Variants in FNDC3B observed in about 807,000 individuals in gnomAD.
FNDC3B encodes fibronectin type III domain containing 3B.
Under a neutral mutation model 151.5 loss-of-function variants are expected in FNDC3B, and 12 were observed. That is an observed-to-expected ratio of 0.08 (90% CI 0.05 to 0.13). FNDC3B has a LOEUF of 0.13. FNDC3B is among the 10% of genes least tolerant of loss of function. The probability of loss-of-function intolerance (pLI) is 1.00; values close to 1 mark genes in which losing one functional copy is unlikely to be tolerated. For synonymous variants in FNDC3B, 528 were observed against 549.0 expected (o/e 0.96, Z 0.54); for missense variants, 1,214 against 1,505.3 (o/e 0.81, Z 3.20).
chr3:172,314,612 G>C (rs1477023043), intron 11 of FNDC3B, among the ~76,000 whole-genome samples: 1 of 152,200 alleles, frequency 6.6e-6, no homozygotes, highest in Non-Finnish European at 1.5e-5. Context: ...AATAAAATGA[G>C]TAGAGTAAAA....
chr3:172,108,940 G>A (rs1223796310), intron 1 of FNDC3B, among the ~76,000 whole-genome samples: 2 of 152,128 alleles, frequency 1.3e-5, no homozygotes, highest in African/African-American at 4.8e-5. Flanking sequence ...AAGTAGTTGG[G>A]CAGTTCCTTG....
intron 23 of FNDC3B, among the ~76,000 whole-genome samples, chr3:172,376,409 A>C (rs989175636): frequency 3.3e-5 from 5 of 152,224 alleles, no homozygotes; most frequent in Non-Finnish European, 7.3e-5. Context: ...TACTGTTCCT[A>C]GTAGTCCTCT....
At chr3:172,068,677 G>A (rs74728110) in intron 1 of FNDC3B, among the ~76,000 whole-genome samples, 1 of 152,038 alleles carries the variant, frequency 6.6e-6, no homozygotes, top group Admixed American at 6.6e-5. Context: ...CACCTGCCTC[G>A]GCCTCCCAAA....
At chr3:172,058,807 A>G (rs1435232480) in intron 1 of FNDC3B, among the ~76,000 whole-genome samples, 2 of 152,190 alleles carry the variant, frequency 1.3e-5, no homozygotes, top group African/African-American at 4.8e-5. Context: ...TATTAGCACC[A>G]TAACTTCCGG....
At chr3:172,160,461 A>T (rs1167272240) in intron 3 of FNDC3B, among the ~76,000 whole-genome samples, 2 of 152,186 alleles carry the variant, frequency 1.3e-5, no homozygotes, top group African/African-American at 4.8e-5. Context: ...TTACACCCCA[A>T]CCCTAAGAAG....
At chr3:172,238,877 C>G (rs7647293) in intron 4 of FNDC3B, among the ~76,000 whole-genome samples, 22,646 of 151,948 alleles carry the variant, frequency 0.15, 1,832 homozygotes, top group African/African-American at 0.21. Context: ...GTGATAAAAT[C>G]ATGCTTATTT....
chr3:172,338,473 T>G (rs1380378979), intron 16 of FNDC3B: 1 of 152,190 alleles, frequency 6.6e-6, no homozygotes, highest in Non-Finnish European at 1.5e-5. Flanking sequence ...AATCACACTT[T>G]TATAACAAGT....
In FNDC3B at chr3:172,399,203, C is replaced by G. The variant is rs976691103; in HGVS notation, c.*1728C>G. On this transcript the variant is annotated 3_prime_UTR_variant, in exon 26 of 26. Coordinates refer to ENST00000415807, the MANE Select transcript of FNDC3B (RefSeq NM_022763.4). ...CTTTAAATGCCAATTACAGTGCAAT[C>G]TTTATTTATTGTAAAATTTTTTAAG... 2.6e-5 allele frequency: 4 copies of G among 152,526 alleles called. No homozygotes were observed. The highest frequency in any genetic ancestry group is 9.7e-5 in the African/African-American group (4 of 41,408). 9.4% of individuals were successfully genotyped at this position (152,526 alleles called of 1,614,324 possible).
chr3:172,174,242 A>C (rs776044635), intron 3 of FNDC3B, among the ~76,000 whole-genome samples: 22 of 152,348 alleles, frequency 1.4e-4, no homozygotes, highest in Non-Finnish European at 2.1e-4. Flanking sequence ...CTAGAGAGAC[A>C]GGTCTAAATG....
chr3:172,229,136 C>CACACACACACACACAA (rs1272151522), intron 4 of FNDC3B, among the ~76,000 whole-genome samples: 10 of 81,592 alleles, frequency 1.2e-4, no homozygotes, highest in African/African-American at 4.3e-4. Flanking sequence ...CACACACACA[C>CACACACACACACACAA]AATCTCCTGC....
intron 3 of FNDC3B, among the ~76,000 whole-genome samples, chr3:172,159,076 C>T (rs1477133421): frequency 3.9e-5 from 6 of 152,162 alleles, no homozygotes; most frequent in African/African-American, 1.4e-4. Flanking sequence ...GTCAGGAGTT[C>T]GAGACCAGCT....
rs145492955 is a variant in FNDC3B, at chr3:172,087,037, C to T, written c.-28-25415C>T. On this transcript the variant is annotated intron_variant, in intron 1 of 25. Transcript: ENST00000415807. ...CTCACTTTTACCAGAGTTTATAGTT[C>T]CATTTCTTCCAAGCCACTCCCGGAG... 1.4e-3 allele frequency among the ~76,000 whole-genome samples: 217 copies of T among 152,278 alleles called. 7 individuals carry two copies. In the East Asian group the frequency reaches 0.037, roughly 26 times the overall value.
At chr3:172,165,175 G>A (rs531844940) in intron 3 of FNDC3B, among the ~76,000 whole-genome samples, 2 of 152,166 alleles carry the variant, frequency 1.3e-5, no homozygotes, top group African/African-American at 4.8e-5. Flanking sequence ...CACCATGGCT[G>A]AGTTTTGTAT....
At chr3:172,140,348 A>T (rs905612054) in intron 3 of FNDC3B, among the ~76,000 whole-genome samples, 1 of 152,226 alleles carries the variant, frequency 6.6e-6, no homozygotes, top group East Asian at 1.9e-4. Context: ...CGATTTTTCC[A>T]TTTTCCATGA....
chr3:172,072,087 C>T (rs1437589160), intron 1 of FNDC3B, among the ~76,000 whole-genome samples: 1 of 149,988 alleles, frequency 6.7e-6, no homozygotes, highest in African/African-American at 2.5e-5. Context: ...GAAAATACGG[C>T]ATTTTACAGC....
chr3:172,351,175 A>G (rs1553794901), intron 21 of FNDC3B, among the ~76,000 whole-genome samples: 1 of 152,242 alleles, frequency 6.6e-6, no homozygotes, highest in Non-Finnish European at 1.5e-5. Context: ...GAAGGGAAAT[A>G]GGAAATGTGG....
chr3:172,133,672 C>CT (rs138140214), intron 3 of FNDC3B, 126 bp downstream of exon 3: 1,341 of 757,130 alleles, frequency 1.8e-3, no homozygotes, highest in East Asian at 2.4e-3. Context: ...TATTCATTTT[C>CT]TTTTTTTTTC....
chr3:172,360,075 T>G (rs1734292141), intron 22 of FNDC3B, among the ~76,000 whole-genome samples: 2 of 152,194 alleles, frequency 1.3e-5, no homozygotes, highest in Non-Finnish European at 2.9e-5. Flanking sequence ...GGCAACTGTT[T>G]TCCTATGTGG....
chr3:172,303,175 G>A (rs1576890931), intron 9 of FNDC3B: 1 of 151,932 alleles, frequency 6.6e-6, no homozygotes, highest in Non-Finnish European at 1.5e-5. Context: ...ATTAATAATG[G>A]CATTACAATG....
Sources: gnomAD v4.1 joint callset for allele counts (sites outside exome capture counted in the v4.1 genomes callset) on GRCh38, gnomAD v4.1.1 for gene constraint, MANE v1.5 for transcripts, NCBI Gene and HGNC (gene_info 2026-07-23, HGNC 2026-07-21) for gene names.